The following FGB variants were observed in gnomAD, a reference collection of about 807,000 sequenced individuals.
The protein encoded by FGB is beta-fibrinogen.
A neutral mutation model predicts 57.9 loss-of-function variants in FGB; 25 were observed. The observed-to-expected ratio is 0.43, with a 90% confidence interval of 0.31 to 0.60. The LOEUF is 0.60. Ranked by LOEUF, FGB falls within the 20% of genes least tolerant of loss-of-function variation. The pLI, the probability that FGB is intolerant of heterozygous loss-of-function variation, is 0.08. For missense variants in FGB, 536 were observed against 598.4 expected, an observed-to-expected ratio of 0.90 and a Z score of 1.09; for synonymous variants, 203 against 199.2, an observed-to-expected ratio of 1.02 and a Z score of -0.16.
chr4:154,569,429 G>A (rs1730316393), intron 6 of FGB, 85 bp from the exon 7 acceptor site: 1 of 1,580,688 alleles, frequency 6.3e-7, no homozygotes, highest in Admixed American at 1.7e-5. Flanking sequence ...ACAAAAATGT[G>A]GAAGCTAAAG....
In FGB at chr4:154,571,242, G is replaced by C. The variant is rs376470048; in HGVS notation, c.*592G>C. On this transcript the variant is annotated 3_prime_UTR_variant, in exon 8 of 8. Coordinates refer to ENST00000302068, the MANE Select transcript of FGB (RefSeq NM_005141.5). Reference sequence around the variant, plus strand: ...CTCTAGGACGGGCACGGTGGCTCACGACTATAATCCCAACACTTTGGGAGG... The same window carrying C: ...CTCTAGGACGGGCACGGTGGCTCACCACTATAATCCCAACACTTTGGGAGG... Among the ~76,000 whole-genome samples, 1 of 152,064 alleles carries C rather than the reference G, an allele frequency of 6.6e-6. No individual in the cohort carries two copies. Among genetic ancestry groups the C allele is most frequent in the Non-Finnish European group, 1.5e-5 (1 of 68,018 alleles).
intron 1 of FGB, among the ~76,000 whole-genome samples, chr4:154,564,731 T>C (rs895618615): frequency 6.6e-6 from 1 of 151,996 alleles, no homozygotes; most frequent in African/African-American, 2.4e-5. Context: ...TAATTTGTAA[T>C]TAAGCTCCAA....
At position 154,564,760 on chromosome 4, in the gene FGB, C is replaced by CAA. The variant is rs201531228; in HGVS notation, c.115-1038_115-1037dup. Among the ~76,000 whole-genome samples, 164 of 144,496 alleles carry CAA rather than the reference C, an allele frequency of 1.1e-3. No individual in the cohort carries two copies. In the East Asian group the frequency reaches 0.023, roughly 20 times the overall value. 94.8% of individuals were successfully genotyped at this position (144,496 alleles called of 152,430 possible). A position where few individuals can be genotyped will look rare whatever the true frequency, so the allele number is the denominator to read the frequency against. On this transcript the variant is annotated intron_variant, in intron 1 of 7. Transcript: ENST00000302068. Reference sequence around the variant, plus strand: ...GCTCCAAAGGATGTATAGCTACTGACAAAAAAAAAAATGAGAATGTAGTTA... The same window carrying CAA: ...GCTCCAAAGGATGTATAGCTACTGACAAAAAAAAAAAAATGAGAATGTAGTTA...
intron 5 of FGB, 147 bp downstream of exon 5, chr4:154,568,641 T>C (rs1400585368): frequency 7.4e-6 from 5 of 675,816 alleles, no homozygotes; most frequent in African/African-American, 5.5e-5. Flanking sequence ...AGCCTAGGAG[T>C]TTGAAACTAG....
At chr4:154,564,493 T>C (rs1344090840) in intron 1 of FGB, among the ~76,000 whole-genome samples, 1 of 152,114 alleles carries the variant, frequency 6.6e-6, no homozygotes, top group East Asian at 1.9e-4. Context: ...ATCCTCCGAA[T>C]CTTTACATAT....
rs183622020 is a variant in FGB at position 154,572,628 on chromosome 4, T to C, written c.*1978T>C. ...TTCCCGGATTCCTTAGCTTAGACTC[T>C]GAACACATATTCTTCTTAGACCATA... On this transcript the variant is annotated 3_prime_UTR_variant, in exon 8 of 8. Transcript: ENST00000302068. Among the ~76,000 whole-genome samples the C allele has an allele frequency of 2.0e-4, 31 of 152,304 alleles. No homozygotes were observed. Among genetic ancestry groups the C allele is most frequent in the African/African-American group, 6.7e-4 (28 of 41,564 alleles).
chr4:154,571,542 A>G lies in FGB; in HGVS notation c.*892A>G, dbSNP rs1267626813. Among the ~76,000 whole-genome samples, 4 of 152,068 alleles carry G rather than the reference A, an allele frequency of 2.6e-5. No individual in the cohort carries two copies. The highest frequency in any genetic ancestry group is 2.0e-4 in the Admixed American group (3 of 15,258). ...CTCTGCCACTTAAATAAACATCAGG[A>G]TCAGAGATTCCAAGAGGACAATCTG... On this transcript the variant is annotated 3_prime_UTR_variant, in exon 8 of 8. Transcript: ENST00000302068.
In FGB at chr4:154,569,628, G is replaced by A; in HGVS notation, c.1073G>A (p.Gly358Glu). The change falls in exon 7 of 8, where the codon GGA (glycine) becomes GAA (glutamate). Residue 358 changes from glycine to glutamate, a missense_variant. Gly to Glu is a moderately conservative substitution (Grantham distance 98). Coordinates refer to ENST00000302068, the MANE Select transcript of FGB (RefSeq NM_005141.5). ...KGDKVKAHYG[G>E]FTVQNEANKY... ...GACAAAGTAAAGGCTCACTATGGAGGATTCACTGTACAGAATGAAGCCAAC... is the reference window on the plus strand; with the variant it reads ...GACAAAGTAAAGGCTCACTATGGAGAATTCACTGTACAGAATGAAGCCAAC... The A allele has an allele frequency of 6.2e-7, 1 of 1,614,126 alleles. No homozygotes were observed. Among genetic ancestry groups the A allele is most frequent in the Non-Finnish European group, 8.5e-7 (1 of 1,180,018 alleles).
At chr4:154,568,170 T>C (rs1439301924) in intron 4 of FGB, among the ~76,000 whole-genome samples, 1 of 152,226 alleles carries the variant, frequency 6.6e-6, no homozygotes, top group Non-Finnish European at 1.5e-5. Flanking sequence ...GGAGAAGAGC[T>C]TTGTTCATCC....
intron 1 of FGB, among the ~76,000 whole-genome samples, chr4:154,564,853 A>G (rs1484486486): frequency 6.6e-6 from 1 of 152,192 alleles, no homozygotes; most frequent in African/African-American, 2.4e-5. Context: ...ATAATATTTT[A>G]AGTTAGCAAG....
Position 154,567,883 on chromosome 4 carries a change from G to GAAC in FGB, c.718+78_718+80dup, listed in dbSNP as rs939973701. On this transcript the variant is annotated intron_variant, in intron 4 of 7. Transcript: ENST00000302068. ...AAGAACTCACACACCAAAAATAAGA[G>GAAC]AACAACAACAACAACAAAAATGCTA... The GAAC allele has an allele frequency of 4.2e-5, 48 of 1,138,462 alleles. No homozygotes were observed. In the Admixed American group the frequency reaches 5.6e-4, roughly 13 times the overall value. The allele number at this position is 1,138,462 out of a possible 1,614,324, so 70.5% of individuals were successfully genotyped here.
intron 1 of FGB, 49 bp downstream of exon 1, chr4:154,563,181 A>AT: frequency 1.3e-6 from 1 of 777,914 alleles, no homozygotes; most frequent in Non-Finnish European, 2.2e-6. Flanking sequence ...TATTAATATA[A>AT]GATGTAACAT....
rs143379079 is a variant in FGB at position 154,565,593 on chromosome 4, A to G, written c.115-215A>G. 149 of 577,112 alleles carry G rather than the reference A, an allele frequency of 2.6e-4. 3 individuals are homozygous for G. Among genetic ancestry groups the G allele is most frequent in the African/African-American group, 2.5e-3 (134 of 53,466 alleles). 35.7% of individuals were successfully genotyped at this position (577,112 alleles called of 1,614,324 possible). A position where few individuals can be genotyped will look rare whatever the true frequency, so the allele number is the denominator to read the frequency against. On this transcript the variant is annotated intron_variant, in intron 1 of 7. Transcript: ENST00000302068. Reference sequence around the variant, plus strand: ...ATCCTAAGGCCTCTCTTTAAAAACTACACTGCATCATAGCTTTTTTGTGCA... The same window carrying G: ...ATCCTAAGGCCTCTCTTTAAAAACTGCACTGCATCATAGCTTTTTTGTGCA...
intron 4 of FGB, 32 bp downstream of exon 4, chr4:154,567,852 T>C: frequency 6.7e-7 from 1 of 1,500,440 alleles, no homozygotes; most frequent in Admixed American, 1.7e-5. Context: ...TTTTAGAGAG[T>C]TCCAGAAGAA....
chr4:154,566,397 A>C, intron 2 of FGB, 92 bp from the exon 3 acceptor site: 1 of 1,171,628 alleles, frequency 8.5e-7, no homozygotes, highest in Non-Finnish European at 1.3e-6. Context: ...TATGTTGGCT[A>C]ATCGTATCGC....
rs1730269070 is a variant in FGB, at chr4:154,568,498, A to C, written c.832+4A>C. On this transcript the variant is annotated splice_donor_region_variant and intron_variant, in intron 5 of 7. Coordinates refer to ENST00000302068, the MANE Select transcript of FGB (RefSeq NM_005141.5). Reference sequence around the variant, plus strand: ...GACATGAATACAGAAAATGGAGGTAAGCTTTCGACAGTTGTTGACCTGTTG... The same window carrying C: ...GACATGAATACAGAAAATGGAGGTACGCTTTCGACAGTTGTTGACCTGTTG... 2.2e-6 allele frequency: 3 copies of C among 1,388,654 alleles called. No homozygotes were observed. In the Admixed American group the frequency reaches 5.0e-5, roughly 23 times the overall value. The allele number at this position is 1,388,654 out of a possible 1,614,324, so 86.0% of individuals were successfully genotyped here.
At chr4:154,564,463 T>G (rs1730071986) in intron 1 of FGB, among the ~76,000 whole-genome samples, 1 of 152,068 alleles carries the variant, frequency 6.6e-6, no homozygotes, top group African/African-American at 2.4e-5. Context: ...GACCATGACT[T>G]CAATGTGAAA....
At chr4:154,568,968 A>C (rs1730295489) in intron 5 of FGB, among the ~76,000 whole-genome samples, 1 of 152,196 alleles carries the variant, frequency 6.6e-6, no homozygotes, top group African/African-American at 2.4e-5. Flanking sequence ...AAAAGTTATA[A>C]AATATCTATA....
Position 154,569,794 on chromosome 4 carries a change from C to T in FGB, c.1239C>T (p.Asp413=), listed in dbSNP as rs148950857. ...TCAGCACGTATGACAGAGACAATGA[C>T]GGCTGGTATGTGTGGCACTCTTTGC... ...MFFSTYDRDN[D]GWLTSDPRKQ... Residue 413 remains aspartate, a synonymous_variant, in exon 7 of 8, where the codon GAC becomes GAT. Coordinates refer to ENST00000302068, the MANE Select transcript of FGB (RefSeq NM_005141.5). The T allele has an allele frequency of 6.9e-4, 1,117 of 1,614,114 alleles. 4 individuals carry two copies. The African/African-American group carries it at 0.011, about 15-fold the overall frequency.
Sources: gnomAD v4.1 joint callset for allele counts (sites outside exome capture counted in the v4.1 genomes callset) on GRCh38, gnomAD v4.1.1 for gene constraint, MANE v1.5 for transcripts, NCBI Gene and HGNC (gene_info 2026-07-23, HGNC 2026-07-21) for gene names.